The following RNF145 variants were observed in gnomAD, a reference collection of about 807,000 sequenced individuals.
RNF145 encodes the protein ring finger protein 145.
Under a neutral mutation model 57.3 loss-of-function variants are expected in RNF145, and 12 were observed. The observed-to-expected ratio is 0.21, with a 90% CI of 0.13 to 0.34. The LOEUF (loss-of-function observed/expected upper bound fraction) is 0.34, where lower values mean the gene tolerates loss of function less well. Among genes scored for constraint, RNF145 ranks in the 10% least tolerant of loss-of-function variants. RNF145 has a pLI of 1.00. For missense variants in RNF145, 429 were observed against 799.0 expected, an observed-to-expected ratio of 0.54 and a Z score of 5.58; for synonymous variants, 262 against 288.3, an observed-to-expected ratio of 0.91 and a Z score of 0.92.
chr5:159,174,262 A>G, intron 5 of RNF145, 104 bp from the exon 6 acceptor site: 1 of 741,502 alleles, frequency 1.3e-6, no homozygotes, highest in Non-Finnish European at 2.2e-6. Flanking sequence ...CTTTTCTTTG[A>G]TTGCAAGACT....
In RNF145 at chr5:159,196,707, T is replaced by C. The variant is rs1785473748; in HGVS notation, c.185-1883A>G. Among the ~76,000 whole-genome samples the C allele has an allele frequency of 2.0e-5, 3 of 152,316 alleles. No individual in the cohort carries two copies. In the South Asian group the frequency reaches 6.2e-4, roughly 32 times the overall value. On this transcript the variant is annotated intron_variant, in intron 2 of 10. Transcript: ENST00000424310. Reference sequence around the variant, plus strand: ...ATTTGCTCTTTATTTCTTAAAATAATTTCCCCAATTTTGTTAACCCCTACC... The same window carrying C: ...ATTTGCTCTTTATTTCTTAAAATAACTTCCCCAATTTTGTTAACCCCTACC...
intron 4 of RNF145, among the ~76,000 whole-genome samples, chr5:159,181,128 C>CA (rs76460086): frequency 0.3 from 26,910 of 89,214 alleles, 3,256 homozygotes; most frequent in East Asian, 0.5. Flanking sequence ...GACTCTGTCT[C>CA]AAAAAAAAAA....
At chr5:159,199,516 G>A (rs1168066265) in intron 2 of RNF145, among the ~76,000 whole-genome samples, 1 of 152,132 alleles carries the variant, frequency 6.6e-6, no homozygotes, top group African/African-American at 2.4e-5. Context: ...TGATTTTAGT[G>A]ATGGTAGTTT....
chr5:159,184,448 T>C (rs886677555), intron 3 of RNF145, among the ~76,000 whole-genome samples: 2 of 152,206 alleles, frequency 1.3e-5, no homozygotes, highest in Non-Finnish European at 2.9e-5. Context: ...CATTCCATAC[T>C]AGCACGCAAC....
intron 6 of RNF145, among the ~76,000 whole-genome samples, chr5:159,170,454 A>G (rs1481493539): frequency 1.3e-5 from 2 of 152,242 alleles, no homozygotes; most frequent in South Asian, 2.1e-4. Context: ...GATACTATTC[A>G]TAAGGATAAC....
At chr5:159,189,282 T>C (rs146151508) in intron 3 of RNF145, among the ~76,000 whole-genome samples, 1,552 of 152,300 alleles carry the variant, frequency 0.01, 22 homozygotes, top group African/African-American at 0.035. Flanking sequence ...ATAACCCAAT[T>C]AAATACTGAG....
rs1174441689 is a variant in RNF145 at position 159,158,529 on chromosome 5, G to C, written c.*141C>G. 9.2e-7 allele frequency: 1 copy of C among 1,082,186 alleles called. No individual in the cohort carries two copies. The allele number at this position is 1,082,186 out of a possible 1,614,324, so 67.0% of individuals were successfully genotyped here. ...GATGAAAGCAGGTGGTCCCCACTGA[G>C]AGTACTTCCTGGATTAGATCCTTGG... On this transcript the variant is annotated 3_prime_UTR_variant, in exon 11 of 11. Coordinates refer to ENST00000424310, the MANE Select transcript of RNF145 (RefSeq NM_001199383.2).
intron 1 of RNF145, chr5:159,207,782 T>C (rs1312593088): frequency 6.2e-7 from 1 of 1,614,190 alleles, no homozygotes; most frequent in Admixed American, 1.7e-5. Flanking sequence ...TACTAGCAAT[T>C]CTGTGGTTTC....
At chr5:159,207,476 A>G in intron 1 of RNF145, 1 of 1,516,676 alleles carries the variant, frequency 6.6e-7, no homozygotes, top group Non-Finnish European at 8.9e-7. Flanking sequence ...ATCATTCACC[A>G]TTATCTCCTT....
At chr5:159,188,092 A>G (rs1304666602) in intron 3 of RNF145, among the ~76,000 whole-genome samples, 1 of 152,190 alleles carries the variant, frequency 6.6e-6, no homozygotes, top group Non-Finnish European at 1.5e-5. Context: ...AAGGAATTTA[A>G]GAACACTGGG....
chr5:159,182,893 A>G (rs1355923436), intron 3 of RNF145, among the ~76,000 whole-genome samples: 1 of 152,096 alleles, frequency 6.6e-6, no homozygotes, highest in Admixed American at 6.6e-5. Flanking sequence ...TGCTTTATTC[A>G]TTGTATTTAA....
chr5:159,193,641 G>A (rs1273262882), intron 3 of RNF145, among the ~76,000 whole-genome samples: 5 of 152,052 alleles, frequency 3.3e-5, no homozygotes, highest in East Asian at 1.9e-4. Flanking sequence ...AATTTCAAAC[G>A]ATTATTAAAT....
At chr5:159,193,033 G>A (rs1348739607) in intron 3 of RNF145, among the ~76,000 whole-genome samples, 1 of 152,232 alleles carries the variant, frequency 6.6e-6, no homozygotes, top group Admixed American at 6.5e-5. Context: ...GGGGGCTGGT[G>A]GTACTAGGAT....
At chr5:159,191,526 T>C (rs1284520195) in intron 3 of RNF145, among the ~76,000 whole-genome samples, 2 of 152,144 alleles carry the variant, frequency 1.3e-5, no homozygotes, top group East Asian at 1.9e-4. Flanking sequence ...GACACGATGG[T>C]TCGTGCCTGT....
chr5:159,176,541 T>C (rs940976694), intron 5 of RNF145, 91 bp downstream of exon 5: 21 of 789,570 alleles, frequency 2.7e-5, no homozygotes, highest in Non-Finnish European at 3.7e-5. Context: ...AATGGTACCA[T>C]AACTGTGAAA....
In RNF145 at chr5:159,203,534, T is replaced by C; in HGVS notation, c.84A>G (p.Arg28=). Residue 28 remains arginine, a synonymous_variant, in exon 2 of 11, where the codon AGA becomes AGG. Coordinates refer to ENST00000424310, the MANE Select transcript of RNF145 (RefSeq NM_001199383.2). ...GCTGGAAAAAGGAGCTGACATCCCA[T>C]CTGTACAGGACATCCAACAGCATGA... ...PSIMLLDVLY[R]WDVSSFFQQI... 1 of 1,613,970 alleles carries C rather than the reference T, an allele frequency of 6.2e-7. No homozygotes were observed. The highest frequency in any genetic ancestry group is 8.5e-7 in the Non-Finnish European group (1 of 1,179,912).
At chr5:159,196,749 G>A (rs1174749435) in intron 2 of RNF145, among the ~76,000 whole-genome samples, 1 of 152,070 alleles carries the variant, frequency 6.6e-6, no homozygotes, top group Non-Finnish European at 1.5e-5. Flanking sequence ...GACTTTAGAG[G>A]TATTTTAAAG....
At chr5:159,189,644 A>G (rs1413517213) in intron 3 of RNF145, among the ~76,000 whole-genome samples, 3 of 152,250 alleles carry the variant, frequency 2.0e-5, no homozygotes, top group African/African-American at 7.2e-5. Flanking sequence ...CCTGTACATG[A>G]ATTGTCATAA....
intron 6 of RNF145, among the ~76,000 whole-genome samples, chr5:159,173,768 C>T (rs62378710): frequency 0.067 from 10,210 of 152,212 alleles, 369 homozygotes; most frequent in Middle Eastern, 0.1. Flanking sequence ...ATTTGCTACA[C>T]TCTGGTCCAT....
Sources: gnomAD v4.1 joint callset for allele counts (sites outside exome capture counted in the v4.1 genomes callset) on GRCh38, gnomAD v4.1.1 for gene constraint, MANE v1.5 for transcripts, NCBI Gene and HGNC (gene_info 2026-07-23, HGNC 2026-07-21) for gene names.